Variants in KIF6 observed in about 807,000 individuals in gnomAD.
KIF6 encodes the protein kinesin family member 6.
In KIF6, 106 loss-of-function variants were observed where a neutral mutation model predicts 112.7. That is an observed-to-expected ratio of 0.94 (90% CI 0.80 to 1.11). The LOEUF (loss-of-function observed/expected upper bound fraction) is 1.11. KIF6 is among the 50% of genes least tolerant of loss of function. KIF6 has a pLI of 0.00. For synonymous variants in KIF6, 339 were observed against 339.9 expected, an observed-to-expected ratio of 1.00 and a Z score of 0.03; for missense variants, 929 against 964.0, an observed-to-expected ratio of 0.96 and a Z score of 0.48.
chr6:39,364,563 C>A (rs939593433), intron 16 of KIF6, among the ~76,000 whole-genome samples: 2 of 152,150 alleles, frequency 1.3e-5, no homozygotes, highest in Non-Finnish European at 2.9e-5. Context: ...TAGAGTAGGG[C>A]TCCTCTTACC....
At chr6:39,574,141 G>A (rs1032448676) in intron 10 of KIF6, among the ~76,000 whole-genome samples, 3 of 152,126 alleles carry the variant, frequency 2.0e-5, no homozygotes, top group African/African-American at 7.2e-5. Flanking sequence ...AAACTCTTGT[G>A]AAAGAAAAAT....
rs555955684 is a variant in KIF6, at chr6:39,676,756, C to T, written c.252-36999G>A. ...ATAGCCACTAAAAGAAAAGAAAGTA[C>T]AAAATTTTCAAATAATTAGCAGAGA... On this transcript the variant is annotated intron_variant, in intron 3 of 22. Transcript: ENST00000287152. Among the ~76,000 whole-genome samples, 12 of 151,212 alleles carry T rather than the reference C, an allele frequency of 7.9e-5. No homozygotes were observed. The South Asian group carries it at 2.5e-3, about 32-fold the overall frequency.
intron 3 of KIF6, among the ~76,000 whole-genome samples, chr6:39,659,258 G>A (rs1215873415): frequency 6.6e-6 from 1 of 152,082 alleles, no homozygotes; most frequent in East Asian, 1.9e-4. Flanking sequence ...GAGTATCTGG[G>A]CCAAGAAAGT....
chr6:39,464,670 C>A (rs573203181), intron 13 of KIF6, among the ~76,000 whole-genome samples: 1 of 152,256 alleles, frequency 6.6e-6, no homozygotes, highest in Admixed American at 6.5e-5. Context: ...CTAGGGCAGC[C>A]AGGTGGGGCC....
chr6:39,540,724 T>A (rs1358660037), intron 12 of KIF6, among the ~76,000 whole-genome samples: 1 of 152,158 alleles, frequency 6.6e-6, no homozygotes, highest in Non-Finnish European at 1.5e-5. Flanking sequence ...GTGACAAAGG[T>A]TCAGCCAGAG....
At chr6:39,664,631 A>G (rs1786353663) in intron 3 of KIF6, among the ~76,000 whole-genome samples, 1 of 152,228 alleles carries the variant, frequency 6.6e-6, no homozygotes, top group Non-Finnish European at 1.5e-5. Context: ...TGGAAGACAA[A>G]AAATAGCTAA....
chr6:39,719,589 T>C (rs955049351), intron 2 of KIF6, among the ~76,000 whole-genome samples: 1 of 152,070 alleles, frequency 6.6e-6, no homozygotes, highest in African/African-American at 2.4e-5. Flanking sequence ...AAGAAATAGA[T>C]TAATCTGAAA....
chr6:39,417,900 T>C (rs1208189045), intron 15 of KIF6, among the ~76,000 whole-genome samples: 1 of 152,224 alleles, frequency 6.6e-6, no homozygotes, highest in Non-Finnish European at 1.5e-5. Context: ...TAAAAGGTCT[T>C]CTCTCTTATC....
chr6:39,431,433 T>G, intron 13 of KIF6: 1 of 337,082 alleles, frequency 3.0e-6, no homozygotes, highest in South Asian at 8.5e-5. Flanking sequence ...TCGGGGGAAA[T>G]GAAAACCACA....
In KIF6 at chr6:39,639,654, T is replaced by C. The variant is rs1784805584; in HGVS notation, c.355A>G (p.Ile119Val). ...GGAERYSDRG[I>V]IPRTLSYIFE... is the part of the protein sequence containing the mutation. ...ATGTATGACAGTGTCCTTGGGATAA[T>C]GCCTCTGTCACTGTAACGCTCTGCA... Residue 119 changes from isoleucine (I) to valine (V), a missense_variant, in exon 4 of 23, where the codon ATT becomes GTT. Ile to Val is a conservative substitution (Grantham distance 29). Around this residue, in one of 2 missense-constraint regions of KIF6, gnomAD observed 688 missense variants for 662.7 expected, o/e 1.04. Coordinates refer to ENST00000287152, the MANE Select transcript of KIF6 (RefSeq NM_145027.6). 1 of 1,608,326 alleles carries C rather than the reference T, an allele frequency of 6.2e-7. No homozygotes were observed.
intron 13 of KIF6, among the ~76,000 whole-genome samples, chr6:39,537,431 CAG>C (rs951166611): frequency 2.0e-5 from 3 of 151,916 alleles, no homozygotes; most frequent in Non-Finnish European, 1.5e-5. Flanking sequence ...AACAGACAAA[CAG>C]AGAGCCAAAT....
At chr6:39,654,333 A>G (rs995488440) in intron 3 of KIF6, among the ~76,000 whole-genome samples, 5 of 152,120 alleles carry the variant, frequency 3.3e-5, no homozygotes, top group Non-Finnish European at 7.4e-5. Flanking sequence ...TCTTAGTCTC[A>G]TCTATTCCTC....
intron 3 of KIF6, among the ~76,000 whole-genome samples, chr6:39,650,337 C>T (rs1389353242): frequency 2.6e-5 from 4 of 152,028 alleles, no homozygotes; most frequent in African/African-American, 9.7e-5. Flanking sequence ...TAATAAGCAG[C>T]TTAAGTCTGG....
At chr6:39,634,361 A>C (rs1046528168) in intron 5 of KIF6, among the ~76,000 whole-genome samples, 9 of 152,160 alleles carry the variant, frequency 5.9e-5, no homozygotes, top group Admixed American at 5.2e-4. Context: ...AATCAGTGCC[A>C]ATCTGATCAA....
intron 16 of KIF6, among the ~76,000 whole-genome samples, chr6:39,381,834 A>C (rs139091023): frequency 5.6e-4 from 85 of 152,334 alleles, no homozygotes; most frequent in African/African-American, 1.7e-3. Context: ...TTCCAGCCAA[A>C]GTGCTTTCTG....
chr6:39,683,170 C>G (rs549897199), intron 3 of KIF6, among the ~76,000 whole-genome samples: 49 of 152,168 alleles, frequency 3.2e-4, no homozygotes, highest in Non-Finnish European at 6.2e-4. Context: ...GCACTTTAAA[C>G]AGGGGGATGA....
At chr6:39,559,452 A>G (rs1281992187) in intron 10 of KIF6, among the ~76,000 whole-genome samples, 2 of 152,166 alleles carry the variant, frequency 1.3e-5, no homozygotes, top group Non-Finnish European at 2.9e-5. Context: ...CTTCTGCAAC[A>G]TGTCCCTAAA....
intron 3 of KIF6, among the ~76,000 whole-genome samples, chr6:39,714,379 GC>G (rs995755697): frequency 1.3e-5 from 2 of 151,130 alleles, no homozygotes; most frequent in African/African-American, 4.9e-5. Context: ...CTAGGACTCT[GC>G]CACCACTACC....
At chr6:39,424,662 G>A (rs937358389) in intron 14 of KIF6, among the ~76,000 whole-genome samples, 3 of 152,200 alleles carry the variant, frequency 2.0e-5, no homozygotes, top group Admixed American at 1.3e-4. Flanking sequence ...ATGAGATGCC[G>A]TCAGGGCTGG....
Sources: gnomAD v4.1 joint callset for allele counts (sites outside exome capture counted in the v4.1 genomes callset) on GRCh38, gnomAD v4.1.1 for gene constraint, gnomAD v4.1.1 regional missense constraint, MANE v1.5 for transcripts, NCBI Gene and HGNC (gene_info 2026-07-23, HGNC 2026-07-21) for gene names.